The following TSHZ2 variants were observed in gnomAD, a reference collection of about 807,000 sequenced individuals.
TSHZ2 encodes the protein teashirt homolog 2.
A neutral mutation model predicts 74.4 loss-of-function variants in TSHZ2; 21 were observed. That is an observed-to-expected ratio of 0.28 (90% CI 0.20 to 0.41). The LOEUF is 0.41. Ranked by LOEUF, TSHZ2 falls within the 10% of genes least tolerant of loss-of-function variation. The pLI, the probability that TSHZ2 is intolerant of heterozygous loss-of-function variation, is 1.00. For missense variants in TSHZ2, 1,244 were observed against 1,293.5 expected (o/e 0.96, Z 0.59); for synonymous variants, 540 against 515.3 (o/e 1.05, Z -0.65).
rs1476638683 is a variant in TSHZ2 at position 53,292,471 on chromosome 20, AG to A, written c.*8+35903del. On this transcript the variant is annotated intron_variant, in intron 2 of 2. Coordinates refer to ENST00000371497, the MANE Select transcript of TSHZ2 (RefSeq NM_173485.6). ...TATTTTTTTTTTTTTTTTTTGAGAC[AG>A]GGTCTTGCTCTGCTGCCCAGGCTGA... Among the ~76,000 whole-genome samples, 22 of 144,190 alleles carry A rather than the reference AG, an allele frequency of 1.5e-4. 1 individual carries two copies. The East Asian group carries it at 3.0e-3, about 20-fold the overall frequency. The allele number at this position is 144,190 out of a possible 152,430, so 94.6% of individuals were successfully genotyped here.
chr20:53,409,175 C>G (rs1264444777), intron 2 of TSHZ2, among the ~76,000 whole-genome samples: 1 of 151,904 alleles, frequency 6.6e-6, no homozygotes, highest in Non-Finnish European at 1.5e-5. Context: ...AATGATGACA[C>G]TAATAAGGAA....
At chr20:53,438,181 C>T (rs1240558090) in intron 2 of TSHZ2, among the ~76,000 whole-genome samples, 1 of 150,064 alleles carries the variant, frequency 6.7e-6, no homozygotes, top group Non-Finnish European at 1.5e-5. Flanking sequence ...GCAGTCTCGG[C>T]TCATTGCAAC....
Position 53,078,166 on chromosome 20 carries a change from A to G in TSHZ2, c.40+104833A>G, listed in dbSNP as rs1209399241. 3.3e-5 allele frequency among the ~76,000 whole-genome samples: 5 copies of G among 152,220 alleles called. No homozygotes were observed. In the South Asian group the frequency reaches 1.0e-3, roughly 32 times the overall value. ...AAAATCTGTGTGTTCACGCTAAGAA[A>G]GGGAGATTTCCTGAAGTCAAAGATC... is the stretch of plus-strand genomic sequence containing the variant. On this transcript the variant is annotated intron_variant, in intron 1 of 2. Transcript: ENST00000371497.
At chr20:53,169,784 CAATT>C (rs1243757265) in intron 1 of TSHZ2, among the ~76,000 whole-genome samples, 7 of 152,206 alleles carry the variant, frequency 4.6e-5, no homozygotes, top group Middle Eastern at 3.4e-3. Context: ...ATTTGCATAT[CAATT>C]AATAAATTTT....
intron 1 of TSHZ2, among the ~76,000 whole-genome samples, chr20:53,094,477 G>C (rs1172222809): frequency 6.6e-6 from 1 of 152,058 alleles, no homozygotes; most frequent in Admixed American, 6.6e-5. Context: ...CCAATATGTG[G>C]GTCCCTGACT....
intron 2 of TSHZ2, among the ~76,000 whole-genome samples, chr20:53,292,572 C>G (rs532826548): frequency 6.6e-6 from 1 of 151,920 alleles, no homozygotes; most frequent in African/African-American, 2.4e-5. Context: ...CTCAGTCTCC[C>G]GAGTAGTTGG....
At chr20:53,341,286 T>A (rs982999664) in intron 2 of TSHZ2, among the ~76,000 whole-genome samples, 1 of 152,180 alleles carries the variant, frequency 6.6e-6, no homozygotes, top group African/African-American at 2.4e-5. Flanking sequence ...AGGGAACGAA[T>A]ACAACAACAT....
intron 1 of TSHZ2, among the ~76,000 whole-genome samples, chr20:53,027,664 G>T (rs1012757822): frequency 1.2e-4 from 18 of 152,274 alleles, no homozygotes; most frequent in Admixed American, 1.1e-3. Flanking sequence ...CCTGCTGGGT[G>T]CAGGGGATCG....
chr20:53,390,552 G>A (rs1159835249), intron 2 of TSHZ2, among the ~76,000 whole-genome samples: 1 of 152,152 alleles, frequency 6.6e-6, no homozygotes, highest in East Asian at 1.9e-4. Flanking sequence ...TTCTTCCCTG[G>A]CACAAGAGAG....
Position 53,255,077 on chromosome 20 carries a change from C to G in TSHZ2, c.1619C>G (p.Ala540Gly), listed in dbSNP as rs370609523. ...KAQNGAPSWS[A>G]YPSIHAAYQL... is the part of the protein sequence containing the mutation. ...CAAAACGGGGCCCCCAGCTGGAGTG[C>G]CTACCCCAGCATCCACGCAGCCTAC... The change falls in exon 2 of 3, where the codon GCC (alanine) becomes GGC (glycine). Residue 540 changes from alanine (A) to glycine (G), a missense_variant. Ala to Gly is a moderately conservative substitution (Grantham distance 60). This residue lies in a region of TSHZ2 where 562 missense variants were observed against 544.0 expected (regional missense o/e 1.03). Transcript: ENST00000371497. The surrounding 1 kb of genome is among the most constrained non-coding windows in gnomAD (Gnocchi z 4.1). The G allele has an allele frequency of 6.2e-7, 1 of 1,614,058 alleles. No individual in the cohort carries two copies. The highest frequency in any genetic ancestry group is 1.3e-5 in the African/African-American group (1 of 74,928).
intron 1 of TSHZ2, among the ~76,000 whole-genome samples, chr20:53,140,560 AAAAAG>A (rs1987370695): frequency 6.8e-6 from 1 of 147,664 alleles, no homozygotes; most frequent in South Asian, 2.1e-4. Flanking sequence ...AAAAAAAAAA[AAAAAG>A]AGGGACAGTC....
chr20:53,405,271 C>A (rs1327769056), intron 2 of TSHZ2, among the ~76,000 whole-genome samples: 1 of 141,546 alleles, frequency 7.1e-6, no homozygotes, highest in Non-Finnish European at 1.5e-5. Flanking sequence ...AAAGTTGCAT[C>A]ATACTTAATT....
chr20:53,402,501 C>A (rs191526813), intron 2 of TSHZ2, among the ~76,000 whole-genome samples: 34 of 152,242 alleles, frequency 2.2e-4, no homozygotes, highest in African/African-American at 8.2e-4. Flanking sequence ...AGTATGCTCC[C>A]TGATGTTCTC....
intron 1 of TSHZ2, among the ~76,000 whole-genome samples, chr20:53,163,947 G>A (rs866036916): frequency 6.6e-6 from 1 of 152,094 alleles, no homozygotes; most frequent in Non-Finnish European, 1.5e-5. Flanking sequence ...CATTAATTAT[G>A]TCATAAGCAT....
At chr20:53,057,128 C>T (rs1984666426) in intron 1 of TSHZ2, among the ~76,000 whole-genome samples, 1 of 152,214 alleles carries the variant, frequency 6.6e-6, no homozygotes, top group Admixed American at 6.5e-5. Flanking sequence ...TTTGCTCCTC[C>T]TTCACCTTCC....
intron 1 of TSHZ2, among the ~76,000 whole-genome samples, chr20:53,040,553 C>T (rs1984001129): frequency 6.6e-6 from 1 of 150,930 alleles, no homozygotes; most frequent in South Asian, 2.1e-4. Context: ...GCAGTTTGCT[C>T]CCACCCCGTC....
At chr20:53,114,379 ATC>A (rs1334388592) in intron 1 of TSHZ2, among the ~76,000 whole-genome samples, 1 of 152,156 alleles carries the variant, frequency 6.6e-6, no homozygotes, top group Non-Finnish European at 1.5e-5. Context: ...ACATCACAAA[ATC>A]TCTCTAAACT....
intron 2 of TSHZ2, among the ~76,000 whole-genome samples, chr20:53,355,752 A>G (rs1174000189): frequency 6.6e-6 from 1 of 151,688 alleles, no homozygotes; most frequent in East Asian, 1.9e-4. Flanking sequence ...ATTTTATGAC[A>G]TGCAAATTCT....
At chr20:53,367,175 CA>C (rs1188802360) in intron 2 of TSHZ2, among the ~76,000 whole-genome samples, 2 of 151,872 alleles carry the variant, frequency 1.3e-5, no homozygotes, top group African/African-American at 4.8e-5. Flanking sequence ...GTGAGCGGAT[CA>C]CTTGAGGTCC....
Sources: gnomAD v4.1 joint callset for allele counts (sites outside exome capture counted in the v4.1 genomes callset) on GRCh38, gnomAD v4.1.1 for gene constraint, gnomAD v4.1.1 regional missense constraint, Gnocchi (gnomAD v3.1) non-coding constraint, MANE v1.5 for transcripts, NCBI Gene and HGNC (gene_info 2026-07-23, HGNC 2026-07-21) for gene names.